The following CFAP52 variants were observed in gnomAD, a reference collection of about 807,000 sequenced individuals.
The protein encoded by CFAP52 is cilia- and flagella-associated protein 52.
CFAP52 carries 57 observed loss-of-function variants against 70.5 expected under a neutral mutation model. That is an observed-to-expected ratio of 0.81 (90% CI 0.65 to 1.01). The LOEUF is 1.01. Ranked by LOEUF, CFAP52 falls within the 50% of genes least tolerant of loss-of-function variation. The probability of loss-of-function intolerance (pLI) is 0.00; values close to 1 mark genes in which losing one functional copy is unlikely to be tolerated. For synonymous variants in CFAP52, 267 were observed against 292.5 expected, an observed-to-expected ratio of 0.91 and a Z score of 0.89; for missense variants, 785 against 788.5, an observed-to-expected ratio of 1.00 and a Z score of 0.05.
chr17:9,641,333 G>A (rs151321583), intron 12 of CFAP52, among the ~76,000 whole-genome samples: 1 of 152,184 alleles, frequency 6.6e-6, no homozygotes, highest in African/African-American at 2.4e-5. Flanking sequence ...ACTCTGGGGA[G>A]TGGGGAGTGC....
At chr17:9,616,759 G>A (rs1239838641) in intron 8 of CFAP52, among the ~76,000 whole-genome samples, 3 of 133,170 alleles carry the variant, frequency 2.3e-5, no homozygotes, top group Admixed American at 7.5e-5. Context: ...CACACGGCAG[G>A]GTATTCCAAC....
chr17:9,591,266 A>G (rs1436728982), intron 3 of CFAP52, among the ~76,000 whole-genome samples: 2 of 151,970 alleles, frequency 1.3e-5, no homozygotes, highest in Non-Finnish European at 2.9e-5. Context: ...TCGAACTCCC[A>G]ACCTCAGGTG....
intron 6 of CFAP52, among the ~76,000 whole-genome samples, chr17:9,606,975 G>A (rs1909516841): frequency 6.6e-6 from 1 of 152,176 alleles, no homozygotes; most frequent in Non-Finnish European, 1.5e-5. Context: ...TGAAAGGGCA[G>A]GATATTTGTT....
At chr17:9,628,136 C>T (rs953265570) in intron 8 of CFAP52, among the ~76,000 whole-genome samples, 1 of 152,120 alleles carries the variant, frequency 6.6e-6, no homozygotes, top group Admixed American at 6.5e-5. Flanking sequence ...GCAACTTTGT[C>T]CCAACCCTTC....
chr17:9,613,587 G>A (rs1005491093), intron 8 of CFAP52, among the ~76,000 whole-genome samples: 5 of 151,888 alleles, frequency 3.3e-5, no homozygotes, highest in South Asian at 4.2e-4. Context: ...GTGGGATTTC[G>A]ACTCACTGCA....
intron 8 of CFAP52, among the ~76,000 whole-genome samples, chr17:9,616,021 C>A (rs973264816): frequency 3.3e-5 from 5 of 151,216 alleles, no homozygotes; most frequent in African/African-American, 1.2e-4. Context: ...AGGAACAGCT[C>A]CGGTCTACAG....
chr17:9,588,016 A>G (rs1031300278), intron 3 of CFAP52, among the ~76,000 whole-genome samples: 1 of 152,186 alleles, frequency 6.6e-6, no homozygotes, highest in African/African-American at 2.4e-5. Context: ...GATTGGCCTG[A>G]GCTCTAAGAG....
At chr17:9,594,400 TG>T in intron 4 of CFAP52, 79 bp downstream of exon 4, 1 of 1,535,664 alleles carries the variant, frequency 6.5e-7, no homozygotes, top group Non-Finnish European at 8.8e-7. Flanking sequence ...CATTCTGATC[TG>T]GGGGAACACG....
chr17:9,597,116 C>T (rs767024203), intron 4 of CFAP52, among the ~76,000 whole-genome samples: 5 of 152,190 alleles, frequency 3.3e-5, no homozygotes, highest in Admixed American at 6.5e-5. Flanking sequence ...CTGTCTCATG[C>T]GTTAGGCTTT....
intron 9 of CFAP52, among the ~76,000 whole-genome samples, chr17:9,632,366 G>A (rs1156944802): frequency 2.0e-5 from 3 of 151,594 alleles, no homozygotes. Flanking sequence ...AGTGCAAAGT[G>A]TTGAGATTAT....
chr17:9,585,106 T>C (rs1908394220), intron 1 of CFAP52, among the ~76,000 whole-genome samples: 1 of 152,194 alleles, frequency 6.6e-6, no homozygotes, highest in Admixed American at 6.5e-5. Flanking sequence ...CCAAGCAGGC[T>C]GCTCACACTC....
At chr17:9,606,492 G>A (rs80013522) in intron 6 of CFAP52, among the ~76,000 whole-genome samples, 5,134 of 152,142 alleles carry the variant, frequency 0.034, 97 homozygotes, top group African/African-American at 0.041. Context: ...GATCTCATTC[G>A]ATCTTCATAA....
rs1254842093 is a variant in CFAP52, at chr17:9,608,112, C to T, written c.754-7C>T. 1.9e-6 allele frequency: 3 copies of T among 1,607,706 alleles called. No homozygotes were observed. Among genetic ancestry groups the T allele is most frequent in the Admixed American group, 1.7e-5 (1 of 59,476 alleles). On this transcript the variant is annotated splice_polypyrimidine_tract_variant and splice_region_variant and intron_variant, in intron 6 of 13. Transcript: ENST00000352665. Reference sequence around the variant, plus strand: ...GTGCTTTTTCTTAACACAGTTTTTCCCCCTAGGGAGTGTCAGCTATCAGGT... The same window carrying T: ...GTGCTTTTTCTTAACACAGTTTTTCTCCCTAGGGAGTGTCAGCTATCAGGT...
intron 6 of CFAP52, among the ~76,000 whole-genome samples, chr17:9,600,433 G>C (rs1449410119): frequency 1.3e-5 from 2 of 151,816 alleles, no homozygotes; most frequent in Non-Finnish European, 1.5e-5. Context: ...AGTACAGACA[G>C]GGTTTCATCA....
At chr17:9,581,679 T>G (rs1908234958) in intron 1 of CFAP52, among the ~76,000 whole-genome samples, 1 of 152,182 alleles carries the variant, frequency 6.6e-6, no homozygotes, top group Admixed American at 6.5e-5. Context: ...GTAGTTTTGG[T>G]TACTCATATC....
rs1452920856 is a variant in CFAP52, at chr17:9,631,078, G to GAAAGAAAT, written c.1175-1805_1175-1804insAATAAAGA. ...AGAAAGAAAGAAAGAAAGAAAGAAA[G>GAAAGAAAT]AAAGAGAAAGAAAGAAAGAGAAAGA... On this transcript the variant is annotated intron_variant, in intron 9 of 13. Coordinates refer to ENST00000352665, the MANE Select transcript of CFAP52 (RefSeq NM_145054.5). Among the ~76,000 whole-genome samples, 4 of 129,736 alleles carry GAAAGAAAT rather than the reference G, an allele frequency of 3.1e-5. 1 individual carries two copies. The highest frequency in any genetic ancestry group is 6.5e-5 in the Non-Finnish European group (4 of 61,676). The allele number at this position is 129,736 out of a possible 152,430, so 85.1% of individuals were successfully genotyped here.
chr17:9,594,399 C>A, intron 4 of CFAP52, 78 bp downstream of exon 4: 1 of 1,536,468 alleles, frequency 6.5e-7, no homozygotes, highest in Non-Finnish European at 8.8e-7. Flanking sequence ...TCATTCTGAT[C>A]TGGGGGAACA....
intron 6 of CFAP52, among the ~76,000 whole-genome samples, chr17:9,606,660 T>C (rs1909503004): frequency 6.6e-6 from 1 of 152,200 alleles, no homozygotes; most frequent in South Asian, 2.1e-4. Flanking sequence ...ACGTCATCTA[T>C]AGTTTTAAAA....
intron 4 of CFAP52, 70 bp downstream of exon 4, chr17:9,594,391 A>G: frequency 6.4e-7 from 1 of 1,554,782 alleles, no homozygotes. Context: ...AAACATGGTC[A>G]TTCTGATCTG....
Sources: gnomAD v4.1 joint callset for allele counts (sites outside exome capture counted in the v4.1 genomes callset) on GRCh38, gnomAD v4.1.1 for gene constraint, MANE v1.5 for transcripts, NCBI Gene and HGNC (gene_info 2026-07-23, HGNC 2026-07-21) for gene names.